Variants in OR51B5 observed in about 807,000 individuals in gnomAD.
The protein encoded by OR51B5 is olfactory receptor 51B5.
For synonymous variants in OR51B5, 186 were observed against 144.8 expected, an observed-to-expected ratio of 1.28 and a Z score of -2.04; for missense variants, 456 against 374.6, an observed-to-expected ratio of 1.22 and a Z score of -1.79.
chr11:5,481,689 A>G (rs10838196), intron 1 of OR51B5, among the ~76,000 whole-genome samples: 6,207 of 87,492 alleles, frequency 0.071, 117 homozygotes, highest in South Asian at 0.12. Context: ...ATGTACAAAA[A>G]TCACAAGCAT....
chr11:5,422,541 C>T lies in OR51B5; in HGVS notation n.85-75631G>A, dbSNP rs1180692747. The T allele has an allele frequency of 1.9e-6, 3 of 1,613,978 alleles. No homozygotes were observed. The Admixed American group carries it at 5.0e-5, about 27-fold the overall frequency. On this transcript the variant is annotated intron_variant and non_coding_transcript_variant, in intron 1 of 4. Transcript: ENST00000415970. ...CTTCATGGATTCTCCTTTATGGAGT[C>T]TTCTGTCCTCCTGGCTATGTCCGTT...
chr11:5,390,502 G>A lies in OR51B5; in HGVS notation n.85-43592C>T, dbSNP rs1849779887. On this transcript the variant is annotated intron_variant and non_coding_transcript_variant, in intron 1 of 4. Transcript: ENST00000415970. ...TTTGCCCCTGTCCTAAATAAAATAT[G>A]GGCAAATTTATGTCTGGAGTTGTGG... 30 of 794,044 alleles carry A rather than the reference G, an allele frequency of 3.8e-5. No individual in the cohort carries two copies. In the South Asian group the frequency reaches 6.1e-4, roughly 16 times the overall value. The allele number at this position is 794,044 out of a possible 1,614,324, so 49.2% of individuals were successfully genotyped here.
At chr11:5,503,232 G>A (rs998850292) in intron 1 of OR51B5, among the ~76,000 whole-genome samples, 1 of 152,082 alleles carries the variant, frequency 6.6e-6, no homozygotes, top group Non-Finnish European at 1.5e-5. Flanking sequence ...GCATACACTC[G>A]ATTGCATGAG....
chr11:5,410,527 T>G (rs113897428), intron 1 of OR51B5, among the ~76,000 whole-genome samples: 1,623 of 152,302 alleles, frequency 0.011, 29 homozygotes, highest in African/African-American at 0.036. Flanking sequence ...TTCCATAGAT[T>G]ATAATGAAAG....
At chr11:5,446,305 A>C (rs1054531638) in intron 1 of OR51B5, among the ~76,000 whole-genome samples, 7 of 40,114 alleles carry the variant, frequency 1.7e-4, no homozygotes, top group Non-Finnish European at 5.3e-4. Context: ...GAGGTAACCC[A>C]AAAAAAAAAG....
intron 1 of OR51B5, among the ~76,000 whole-genome samples, chr11:5,472,091 T>A (rs765067353): frequency 5.9e-5 from 9 of 152,078 alleles, no homozygotes; most frequent in Non-Finnish European, 1.3e-4. Flanking sequence ...CACTGAGGCA[T>A]TCACACCAAA....
At position 5,479,396 on chromosome 11, in the gene OR51B5, G is replaced by A. The variant is rs970613601; in HGVS notation, n.84+26173C>T. On this transcript the variant is annotated intron_variant and non_coding_transcript_variant, in intron 1 of 4. Coordinates refer to the OR51B5 transcript ENST00000415970. ...TGGAAAGGAACAACCGGTACCAGCT[G>A]CTGCAAAATCATGCCAAAATGTAAA... is the stretch of plus-strand genomic sequence containing the variant. Among the ~76,000 whole-genome samples, 101 of 151,294 alleles carry A rather than the reference G, an allele frequency of 6.7e-4. 1 individual carries two copies. The highest frequency in any genetic ancestry group is 3.4e-3 in the Middle Eastern group (1 of 294).
chr11:5,390,087 A>G (rs1222379798), intron 1 of OR51B5: 12 of 1,613,650 alleles, frequency 7.4e-6, no homozygotes, highest in East Asian at 2.2e-5. Context: ...GCACTGTCCT[A>G]TGGACTCATC....
intron 1 of OR51B5, among the ~76,000 whole-genome samples, chr11:5,479,614 T>C (rs1288653743): frequency 3.9e-5 from 6 of 151,934 alleles, no homozygotes; most frequent in Admixed American, 6.6e-5. Flanking sequence ...ATTCAGGAAA[T>C]CCATCTCATG....
chr11:5,460,717 A>T (rs1033684716), intron 1 of OR51B5, among the ~76,000 whole-genome samples: 3 of 152,166 alleles, frequency 2.0e-5, no homozygotes, highest in African/African-American at 7.2e-5. Context: ...ATGTTCCCTT[A>T]ATCTTTGAAG....
chr11:5,430,829 C>A, intron 1 of OR51B5: 1 of 457,348 alleles, frequency 2.2e-6, no homozygotes, highest in Non-Finnish European at 4.4e-6. Context: ...ACAGACACCC[C>A]AATCATGGGC....
chr11:5,345,750 A>C (rs1434259915), upstream of OR51B5: 1 of 151,878 alleles, frequency 6.6e-6, no homozygotes, highest in African/African-American at 2.4e-5. Flanking sequence ...TAAAGATGCC[A>C]CCAAAGGAAA....
chr11:5,502,426 C>T (rs565035573), intron 1 of OR51B5, among the ~76,000 whole-genome samples: 84 of 152,258 alleles, frequency 5.5e-4, no homozygotes, highest in African/African-American at 2.0e-3. Flanking sequence ...ACATTTTTCC[C>T]CTAGCTCTTT....
intron 1 of OR51B5, among the ~76,000 whole-genome samples, chr11:5,448,382 T>G (rs10500642): frequency 0.092 from 14,021 of 152,170 alleles, 932 homozygotes; most frequent in African/African-American, 0.18. Context: ...TAGCAACATT[T>G]AAGGAGAGAC....
intron 1 of OR51B5, chr11:5,422,024 G>A: frequency 1.7e-6 from 1 of 572,676 alleles, no homozygotes; most frequent in Non-Finnish European, 3.0e-6. Context: ...GCAGAATTGG[G>A]CTAAGGAAAG....
At chr11:5,475,966 T>C (rs1314360019) in intron 1 of OR51B5, among the ~76,000 whole-genome samples, 1 of 152,248 alleles carries the variant, frequency 6.6e-6, no homozygotes, top group Non-Finnish European at 1.5e-5. Flanking sequence ...TGGACCACAC[T>C]GGAGGCTTGA....
chr11:5,354,366 C>T (rs1262958842), intron 1 of OR51B5, among the ~76,000 whole-genome samples: 1 of 152,226 alleles, frequency 6.6e-6, no homozygotes, highest in Non-Finnish European at 1.5e-5. Flanking sequence ...GATAACAATA[C>T]ATTTTATAAA....
At chr11:5,399,734 G>A (rs768461747) in intron 1 of OR51B5, among the ~76,000 whole-genome samples, 1 of 148,506 alleles carries the variant, frequency 6.7e-6, no homozygotes, top group Admixed American at 6.8e-5. Flanking sequence ...TCTGGCGGTA[G>A]AGACTCTGGA....
chr11:5,421,736 A>C (rs1850341488), intron 1 of OR51B5, among the ~76,000 whole-genome samples: 1 of 152,224 alleles, frequency 6.6e-6, no homozygotes, highest in African/African-American at 2.4e-5. Context: ...AATAGGTGAG[A>C]ATGCTGCTAC....
Sources: gnomAD v4.1 joint callset for allele counts (sites outside exome capture counted in the v4.1 genomes callset) on GRCh38, gnomAD v4.1.1 for gene constraint, MANE v1.5 for transcripts, NCBI Gene and HGNC (gene_info 2026-07-23, HGNC 2026-07-21) for gene names.